TIMM23B: variants seen among roughly 807,000 people sequenced by gnomAD.
The protein encoded by TIMM23B is mitochondrial import inner membrane translocase subunit Tim23B.
In TIMM23B, 27 loss-of-function variants were observed where a neutral mutation model predicts 27.3. That is an observed-to-expected ratio of 0.99 (90% CI 0.73 to 1.36). The LOEUF (loss-of-function observed/expected upper bound fraction) is 1.36, where lower values mean the gene tolerates loss of function less well. Ranked by LOEUF, TIMM23B falls within the 40% of genes most tolerant of loss-of-function variation. TIMM23B has a pLI of 0.00. For missense variants in TIMM23B, 205 were observed against 244.2 expected (o/e 0.84, Z 1.07); for synonymous variants, 73 against 92.4 (o/e 0.79, Z 1.21).
At chr10:49,970,628 C>T (rs1334673233) in intron 6 of TIMM23B, among the ~76,000 whole-genome samples, 9 of 150,440 alleles carry the variant, frequency 6.0e-5, no homozygotes, top group Admixed American at 2.0e-4. Context: ...GGGGGGGCAG[C>T]CCCCGCCCGG....
At chr10:49,952,318 T>A (rs1242794229) in intron 3 of TIMM23B, 99 bp downstream of exon 3, 2 of 1,469,664 alleles carry the variant, frequency 1.4e-6, no homozygotes, top group East Asian at 2.3e-5. Context: ...GGGTTTTTTT[T>A]TTTAATATTT....
At position 49,958,847 on chromosome 10, in the gene TIMM23B, A is replaced by C. The variant is rs1199116691; in HGVS notation, c.514+367A>C. ...GCTTTAGGCACCTCATATAAGTAGA[A>C]TCATACAATATTTGTCCTTTTTTGA... is the stretch of plus-strand genomic sequence containing the variant. On this transcript the variant is annotated intron_variant, in intron 6 of 6. Coordinates refer to ENST00000651259, the MANE Select transcript of TIMM23B (RefSeq NM_001290117.2). Among the ~76,000 whole-genome samples, 4 of 152,336 alleles carry C rather than the reference A, an allele frequency of 2.6e-5. No homozygotes were observed. The East Asian group carries it at 7.7e-4, about 29-fold the overall frequency.
intron 1 of TIMM23B, among the ~76,000 whole-genome samples, chr10:49,942,991 T>C: frequency 6.6e-6 from 1 of 152,350 alleles, no homozygotes; most frequent in East Asian, 1.9e-4. Flanking sequence ...AAATAGAACT[T>C]GGACCTAAAG....
chr10:49,946,207 C>T (rs1237727520), intron 2 of TIMM23B, among the ~76,000 whole-genome samples: 7 of 147,196 alleles, frequency 4.8e-5, no homozygotes, highest in Non-Finnish European at 9.0e-5. Flanking sequence ...ATAAATAAAA[C>T]TAGACATAAA....
chr10:49,962,222 T>C (rs1185544553), intron 6 of TIMM23B, among the ~76,000 whole-genome samples: 1 of 145,020 alleles, frequency 6.9e-6, no homozygotes, highest in African/African-American at 2.6e-5. Flanking sequence ...TTTTTTTTTT[T>C]AAACGGAGTT....
At chr10:49,970,452 C>G (rs1840381649) in intron 6 of TIMM23B, 1 of 166,280 alleles carries the variant, frequency 6.0e-6, no homozygotes, top group African/African-American at 2.4e-5. Context: ...GCGACCCCGT[C>G]TGGGAGGTGA....
chr10:49,948,882 TTC>T (rs1390292942), intron 2 of TIMM23B, among the ~76,000 whole-genome samples: 6 of 152,140 alleles, frequency 3.9e-5, no homozygotes, highest in African/African-American at 7.2e-5. Context: ...TAACTCCATT[TTC>T]TCTCTCTCTT....
intron 6 of TIMM23B, among the ~76,000 whole-genome samples, chr10:49,961,474 A>T (rs1340004085): frequency 6.6e-6 from 1 of 151,928 alleles, no homozygotes; most frequent in Non-Finnish European, 1.5e-5. Flanking sequence ...CTGTTTTGTT[A>T]TATTGTGGAA....
intron 1 of TIMM23B, among the ~76,000 whole-genome samples, chr10:49,943,833 G>A (rs1303508445): frequency 3.5e-5 from 5 of 141,514 alleles, no homozygotes; most frequent in Non-Finnish European, 6.0e-5. Flanking sequence ...TTAAAACATT[G>A]CCTTTAGTGA....
At chr10:49,963,204 G>GTGACA (rs1199227724) in intron 6 of TIMM23B, among the ~76,000 whole-genome samples, 5 of 152,242 alleles carry the variant, frequency 3.3e-5, no homozygotes, top group Admixed American at 1.3e-4. Flanking sequence ...ATGAAATGAC[G>GTGACA]TGACATGACA....
At chr10:49,948,834 A>G (rs1214116634) in intron 2 of TIMM23B, among the ~76,000 whole-genome samples, 31 of 150,872 alleles carry the variant, frequency 2.1e-4, no homozygotes, top group African/African-American at 7.2e-4. Flanking sequence ...TGTACACTCT[A>G]AGTAAGTAAA....
chr10:49,962,269 C>T (rs1839945902), intron 6 of TIMM23B, among the ~76,000 whole-genome samples: 1 of 150,430 alleles, frequency 6.6e-6, no homozygotes, highest in Non-Finnish European at 1.5e-5. Flanking sequence ...GTGGCACAAT[C>T]TTGGCTCACT....
chr10:49,957,146 G>GGGAAAC (rs1839751869), intron 5 of TIMM23B, among the ~76,000 whole-genome samples: 2 of 152,084 alleles, frequency 1.3e-5, no homozygotes, highest in African/African-American at 4.8e-5. Context: ...TGACCAACCA[G>GGGAAAC]CTTTGTCAGG....
At chr10:49,942,798 T>C (rs1483686975) in intron 1 of TIMM23B, among the ~76,000 whole-genome samples, 65 of 152,266 alleles carry the variant, frequency 4.3e-4, no homozygotes, top group African/African-American at 1.5e-3. Context: ...AGCTAGGAAG[T>C]AAGCTGAACT....
At chr10:49,953,682 C>T (rs1199827780) in intron 4 of TIMM23B, among the ~76,000 whole-genome samples, 5 of 152,138 alleles carry the variant, frequency 3.3e-5, no homozygotes, top group Non-Finnish European at 2.9e-5. Flanking sequence ...CTGTGTGGAT[C>T]TCTGTCCATG....
chr10:49,968,934 G>A (rs1237604290), intron 6 of TIMM23B, among the ~76,000 whole-genome samples: 9 of 152,126 alleles, frequency 5.9e-5, no homozygotes, highest in Admixed American at 2.6e-4. Flanking sequence ...ATAAAATTGC[G>A]GTATGATGAT....
At chr10:49,969,623 G>C (rs1378637271) in intron 6 of TIMM23B, among the ~76,000 whole-genome samples, 2 of 151,662 alleles carry the variant, frequency 1.3e-5, no homozygotes, top group African/African-American at 2.4e-5. Context: ...AGCTTGGGGA[G>C]GTCAAGGCTG....
At chr10:49,957,281 A>G (rs1301728252) in intron 5 of TIMM23B, among the ~76,000 whole-genome samples, 143,747 of 144,716 alleles carry the variant, frequency 0.99, 71,410 homozygotes, top group East Asian at 1. Context: ...TTTTGAGACA[A>G]GGTCTTGCTC....
rs1215334622 is a variant in TIMM23B, at chr10:49,965,241, A to G, written c.514+6761A>G. Among the ~76,000 whole-genome samples, 5 of 151,134 alleles carry G rather than the reference A, an allele frequency of 3.3e-5. No individual in the cohort carries two copies. The East Asian group carries it at 9.9e-4, about 30-fold the overall frequency. On this transcript the variant is annotated intron_variant, in intron 6 of 6. Coordinates refer to ENST00000651259, the MANE Select transcript of TIMM23B (RefSeq NM_001290117.2). The stretch of plus-strand genomic sequence containing the variant: ...TCTCAGAATGAAATGACATGACATG[A>G]TGAAATGAAATAATGAAATTAATAA...
Sources: gnomAD v4.1 joint callset for allele counts (sites outside exome capture counted in the v4.1 genomes callset) on GRCh38, gnomAD v4.1.1 for gene constraint, MANE v1.5 for transcripts, NCBI Gene and HGNC (gene_info 2026-07-23, HGNC 2026-07-21) for gene names.